Variants in KDM2B observed in about 807,000 individuals in gnomAD.
KDM2B encodes lysine demethylase 2B, also known as lysine-specific demethylase 2B.
Under a neutral mutation model 150.0 loss-of-function variants are expected in KDM2B, and 26 were observed. That is an observed-to-expected ratio of 0.17 (90% CI 0.13 to 0.24). The LOEUF (loss-of-function observed/expected upper bound fraction) is 0.24. Ranked by LOEUF, KDM2B falls within the 10% of genes least tolerant of loss-of-function variation. The probability of loss-of-function intolerance (pLI) is 1.00; values close to 1 mark genes in which losing one functional copy is unlikely to be tolerated. For missense variants in KDM2B, 1,265 were observed against 1,816.9 expected (o/e 0.70, Z 5.52); for synonymous variants, 734 against 729.5 (o/e 1.01, Z -0.10).
At chr12:121,476,984 A>G (rs1881456859) in intron 12 of KDM2B, among the ~76,000 whole-genome samples, 2 of 152,228 alleles carry the variant, frequency 1.3e-5, no homozygotes. Flanking sequence ...CCCAGTTGAC[A>G]AGGAAAAGCT....
intron 12 of KDM2B, among the ~76,000 whole-genome samples, chr12:121,476,033 G>A (rs1255080844): frequency 1.3e-5 from 2 of 151,760 alleles, no homozygotes; most frequent in East Asian, 1.9e-4. Flanking sequence ...GGTGGCTCAC[G>A]CTTGTAATCC....
At chr12:121,496,841 C>G (rs1043158158) in intron 11 of KDM2B, among the ~76,000 whole-genome samples, 2 of 144,438 alleles carry the variant, frequency 1.4e-5, no homozygotes, top group Non-Finnish European at 3.0e-5. Flanking sequence ...GGTGTGAGCC[C>G]CCCAAAGTGC....
intron 11 of KDM2B, among the ~76,000 whole-genome samples, chr12:121,501,469 G>GA (rs1271261993): frequency 5.3e-5 from 8 of 152,246 alleles, no homozygotes; most frequent in Non-Finnish European, 1.0e-4. Context: ...CACATCCAAG[G>GA]AATACCAAGA....
rs558154459 is a variant in KDM2B at position 121,522,468 on chromosome 12, C to T, written c.932-1368G>A. On this transcript the variant is annotated intron_variant, in intron 8 of 22. Coordinates refer to ENST00000377071, the MANE Select transcript of KDM2B (RefSeq NM_032590.5). ...AGGTGAGGTTGCAGTGAGCCGAGATCGCACCATTGCACTCCAGCCTGGGCA... is the reference window on the plus strand; with the variant it reads ...AGGTGAGGTTGCAGTGAGCCGAGATTGCACCATTGCACTCCAGCCTGGGCA... 1.2e-4 allele frequency among the ~76,000 whole-genome samples: 18 copies of T among 150,300 alleles called. No individual in the cohort carries two copies. In the East Asian group the frequency reaches 2.0e-3, roughly 16 times the overall value.
intron 10 of KDM2B, among the ~76,000 whole-genome samples, chr12:121,511,883 C>T (rs1342716808): frequency 6.6e-6 from 1 of 152,216 alleles, no homozygotes; most frequent in Non-Finnish European, 1.5e-5. Context: ...GTCTCCCTCA[C>T]GTTGCCCCTT....
intron 12 of KDM2B, among the ~76,000 whole-genome samples, chr12:121,472,395 G>T (rs1880865019): frequency 6.6e-6 from 1 of 152,198 alleles, no homozygotes; most frequent in African/African-American, 2.4e-5. Flanking sequence ...AACAGTGACA[G>T]TAGGACAGAC....
At chr12:121,574,120 A>G (rs1289057817) in intron 4 of KDM2B, among the ~76,000 whole-genome samples, 2 of 152,136 alleles carry the variant, frequency 1.3e-5, no homozygotes, top group Non-Finnish European at 2.9e-5. Flanking sequence ...GCATTTGCTG[A>G]GCTCGCAGTT....
At chr12:121,581,451 C>T (rs563349248), upstream of KDM2B, among the ~76,000 whole-genome samples, 1 of 152,254 alleles carries the variant, frequency 6.6e-6, no homozygotes, top group Non-Finnish European at 1.5e-5. Flanking sequence ...TTTTTGACTA[C>T]CCCAGCACTG....
At chr12:121,417,837 T>C in the KDM2B span, 3 of 1,614,146 alleles carry the variant, frequency 1.9e-6, no homozygotes, top group Non-Finnish European at 2.5e-6. The surrounding 1 kb of genome is among the most constrained non-coding windows in gnomAD (Gnocchi z 5.0). Flanking sequence ...TACAGCCCCC[T>C]CTGCTACTAT....
the KDM2B span, chr12:121,420,791 T>C: frequency 6.3e-7 from 1 of 1,591,430 alleles, no homozygotes; most frequent in Non-Finnish European, 8.6e-7. Flanking sequence ...AGGTTTATCT[T>C]TTCATTTTTT....
At chr12:121,550,903 A>G (rs527905018) in intron 4 of KDM2B, among the ~76,000 whole-genome samples, 2 of 152,276 alleles carry the variant, frequency 1.3e-5, no homozygotes, top group African/African-American at 4.8e-5. Context: ...TGAAAACTAT[A>G]TGAAACCCAA....
intron 4 of KDM2B, among the ~76,000 whole-genome samples, chr12:121,568,105 C>A (rs1475187682): frequency 6.6e-6 from 1 of 152,064 alleles, no homozygotes; most frequent in African/African-American, 2.4e-5. Flanking sequence ...ATACACCTGA[C>A]AATTAATAAG....
intron 12 of KDM2B, among the ~76,000 whole-genome samples, chr12:121,481,531 G>A (rs1330503577): frequency 7.3e-6 from 1 of 137,450 alleles, no homozygotes; most frequent in Non-Finnish European, 1.6e-5. Context: ...ATTCGAGAAA[G>A]AAGTCGGGGG....
In KDM2B at chr12:121,442,217, C is replaced by G; in HGVS notation, c.3224G>C (p.Ser1075Thr). ...ACACAGGTCTTGGTGGCTGAGGTAGCTGAAGACGGCCATCCACACCTCCCT... is the reference window on the plus strand; with the variant it reads ...ACACAGGTCTTGGTGGCTGAGGTAGGTGAAGACGGCCATCCACACCTCCCT... The part of the protein sequence containing the change: ...MHREVWMAVF[S>T]YLSHQDLCVC... The change falls in exon 19 of 23, where the codon AGC becomes ACC. Residue 1075 changes from serine (S) to threonine (T), a missense_variant. Transcript: ENST00000377071. The surrounding 1 kb of genome is among the most constrained non-coding windows in gnomAD (Gnocchi z 7.7). 2.5e-6 allele frequency: 4 copies of G among 1,613,470 alleles called. No individual in the cohort carries two copies. Among genetic ancestry groups the G allele is most frequent in the Non-Finnish European group, 3.4e-6 (4 of 1,180,026 alleles).
Position 121,445,456 on chromosome 12 carries a change from T to A in KDM2B, c.1960-38A>T, listed in dbSNP as rs781821284. ...GGAGAACAAGACAAGTCATCAGGGGTGGGGAGCACGGACCCCCAGGGGGGC... is the reference window on the plus strand; with the variant it reads ...GGAGAACAAGACAAGTCATCAGGGGAGGGGAGCACGGACCCCCAGGGGGGC... On this transcript the variant is annotated intron_variant, in intron 13 of 22. Transcript: ENST00000377071. 15 of 1,548,074 alleles carry A rather than the reference T, an allele frequency of 9.7e-6. No homozygotes were observed. In the East Asian group the frequency reaches 3.3e-4, roughly 34 times the overall value.
rs1430066251 is a variant in KDM2B, at chr12:121,466,513, T to G, written c.1735-13169A>C. On this transcript the variant is annotated intron_variant, in intron 12 of 22. Coordinates refer to ENST00000377071, the MANE Select transcript of KDM2B (RefSeq NM_032590.5). Reference sequence around the variant, plus strand: ...CCTGCCATCTGGGGTCGCGGCTTCCTCCGCCGCCGCCGCCGCTGCCGCCGT... The same window carrying G: ...CCTGCCATCTGGGGTCGCGGCTTCCGCCGCCGCCGCCGCCGCTGCCGCCGT... Among the ~76,000 whole-genome samples, 4 of 150,368 alleles carry G rather than the reference T, an allele frequency of 2.7e-5. No homozygotes were observed. The East Asian group carries it at 7.8e-4, about 29-fold the overall frequency.
rs149313595 is a variant in KDM2B, at chr12:121,536,819, C to T, written c.684-2229G>A. 8.6e-3 allele frequency among the ~76,000 whole-genome samples: 1,312 copies of T among 152,302 alleles called. 19 individuals are homozygous for T. Among genetic ancestry groups the T allele is most frequent in the African/African-American group, 0.03 (1,229 of 41,558 alleles). On this transcript the variant is annotated intron_variant, in intron 6 of 22. Transcript: ENST00000377071. ...GCTGGAAGCCCGCGGGTACCCACAG[C>T]AGAGAGGAGAGGACAGGAGCTCGCC...
chr12:121,536,068 A>C, intron 6 of KDM2B: 1 of 985,816 alleles, frequency 1.0e-6, no homozygotes, highest in African/African-American at 1.7e-5. Flanking sequence ...GGAAGAGGGA[A>C]GGAATGGGGC....
intron 2 of KDM2B, among the ~76,000 whole-genome samples, chr12:121,577,426 A>C (rs1163729861): frequency 3.3e-5 from 5 of 152,232 alleles, no homozygotes; most frequent in Non-Finnish European, 7.3e-5. Flanking sequence ...GAGAAAATTT[A>C]AATCAGCTGG....
Sources: gnomAD v4.1 joint callset for allele counts (sites outside exome capture counted in the v4.1 genomes callset) on GRCh38, gnomAD v4.1.1 for gene constraint, Gnocchi (gnomAD v3.1) non-coding constraint, MANE v1.5 for transcripts, NCBI Gene and HGNC (gene_info 2026-07-23, HGNC 2026-07-21) for gene names.